The following CEP83 variants were observed in gnomAD, a reference collection of about 807,000 sequenced individuals.
CEP83 encodes the protein centrosomal protein of 83 kDa.
A neutral mutation model predicts 101.9 loss-of-function variants in CEP83; 70 were observed. That is an observed-to-expected ratio of 0.69 (90% CI 0.57 to 0.84). The LOEUF (loss-of-function observed/expected upper bound fraction) is 0.84. Ranked by LOEUF, CEP83 falls within the 40% of genes least tolerant of loss-of-function variation. The pLI is 0.00. For missense variants in CEP83, 715 were observed against 787.2 expected, an observed-to-expected ratio of 0.91 and a Z score of 1.10; for synonymous variants, 264 against 267.9, an observed-to-expected ratio of 0.99 and a Z score of 0.14.
At chr12:94,298,803 T>G in the CEP83 span, 1 of 1,607,758 alleles carries the variant, frequency 6.2e-7, no homozygotes. Context: ...CAGGTGGGAA[T>G]GTAGGTGATT....
At position 94,379,014 on chromosome 12, in the gene CEP83, T is replaced by A; in HGVS notation, c.578A>T (p.Glu193Val). The stretch of plus-strand genomic sequence containing the variant: ...AACATTAAGCAGCTGGTTACGTAGT[T>A]CTTCTTTATCTTCCTCCAGTCTTGC... Reference protein sequence around the residue: ...EIARLEEDKEELRNQLLNVDL... With the variant: ...EIARLEEDKEVLRNQLLNVDL... The change falls in exon 7 of 17, where the codon GAA becomes GTA. Residue 193 changes from glutamate to valine, a missense_variant. By Grantham distance (121) the Glu-to-Val change is moderately radical. Coordinates refer to ENST00000397809, the MANE Select transcript of CEP83 (RefSeq NM_016122.3). 6.2e-7 allele frequency: 1 copy of A among 1,610,184 alleles called. No individual in the cohort carries two copies. Among genetic ancestry groups the A allele is most frequent in the Non-Finnish European group, 8.5e-7 (1 of 1,177,210 alleles).
chr12:94,300,026 G>C, the CEP83 span, among the ~76,000 whole-genome samples: 1 of 152,216 alleles, frequency 6.6e-6, no homozygotes, highest in African/African-American at 2.4e-5. Flanking sequence ...AGCTAGGCCA[G>C]AGTTGAAAAG....
At chr12:94,447,658 G>A (rs914703016) in intron 1 of CEP83, among the ~76,000 whole-genome samples, 2 of 151,940 alleles carry the variant, frequency 1.3e-5, no homozygotes, top group East Asian at 1.9e-4. Flanking sequence ...GTACTGTGTC[G>A]CTGAGTTTGT....
intron 14 of CEP83, among the ~76,000 whole-genome samples, chr12:94,322,830 C>T (rs2058805442): frequency 6.6e-6 from 1 of 152,170 alleles, no homozygotes; most frequent in South Asian, 2.1e-4. Context: ...CCCATCCCTC[C>T]CCCTGGGAAC....
the CEP83 span, among the ~76,000 whole-genome samples, chr12:94,286,509 T>A: frequency 6.6e-6 from 1 of 150,484 alleles, no homozygotes; most frequent in East Asian, 2.0e-4. Flanking sequence ...AAAGAAAAAA[T>A]TTTCTCTTGA....
the CEP83 span, among the ~76,000 whole-genome samples, chr12:94,291,698 C>T: frequency 6.6e-6 from 1 of 152,218 alleles, no homozygotes; most frequent in African/African-American, 2.4e-5. Flanking sequence ...TTATTTCCCC[C>T]AGCCCTGCTT....
chr12:94,338,468 T>C (rs2059542901), intron 11 of CEP83, among the ~76,000 whole-genome samples: 1 of 152,192 alleles, frequency 6.6e-6, no homozygotes, highest in Admixed American at 6.5e-5. Flanking sequence ...TTTCTCTTCT[T>C]GGTCTCTTGT....
At chr12:94,334,626 T>A (rs1283026649) in intron 12 of CEP83, among the ~76,000 whole-genome samples, 1 of 152,096 alleles carries the variant, frequency 6.6e-6, no homozygotes, top group Non-Finnish European at 1.5e-5. Context: ...TCTTATATAA[T>A]AAACAAAATA....
Position 94,395,777 on chromosome 12 carries a change from C to T in CEP83, c.549+5073G>A, listed in dbSNP as rs542155339. ...CAGAGCTTGCAGTGAGCCAAGATGG[C>T]GCCGCTGCGCTCCAGCCTGGAGGAC... On this transcript the variant is annotated intron_variant, in intron 6 of 16. Transcript: ENST00000397809. Among the ~76,000 whole-genome samples the T allele has an allele frequency of 1.1e-4, 16 of 152,202 alleles. No homozygotes were observed. In the East Asian group the frequency reaches 1.7e-3, roughly 17 times the overall value.
At chr12:94,370,396 C>T (rs1337045159) in intron 8 of CEP83, among the ~76,000 whole-genome samples, 1 of 152,178 alleles carries the variant, frequency 6.6e-6, no homozygotes, top group African/African-American at 2.4e-5. Context: ...TTCTAAAAGA[C>T]AGGGTCTTGC....
At chr12:94,423,081 T>G (rs551511772) in intron 2 of CEP83, among the ~76,000 whole-genome samples, 12 of 152,142 alleles carry the variant, frequency 7.9e-5, no homozygotes, top group African/African-American at 2.2e-4. Flanking sequence ...CAAAAACATA[T>G]GAGAATTTTT....
At chr12:94,372,515 T>C (rs2061350972) in intron 8 of CEP83, among the ~76,000 whole-genome samples, 1 of 152,200 alleles carries the variant, frequency 6.6e-6, no homozygotes, top group Admixed American at 6.5e-5. Flanking sequence ...TGCTATTATA[T>C]ACTAACTGTA....
At chr12:94,343,447 A>C (rs558032632) in intron 11 of CEP83, among the ~76,000 whole-genome samples, 1 of 150,652 alleles carries the variant, frequency 6.6e-6, no homozygotes, top group Non-Finnish European at 1.5e-5. Flanking sequence ...TTGTGATCAC[A>C]ATGCAATAAA....
At chr12:94,380,292 A>G (rs1197827397) in intron 6 of CEP83, among the ~76,000 whole-genome samples, 1 of 152,138 alleles carries the variant, frequency 6.6e-6, no homozygotes, top group East Asian at 1.9e-4. Flanking sequence ...GTTTTAACAC[A>G]TAGTGATTCC....
intron 2 of CEP83, among the ~76,000 whole-genome samples, chr12:94,426,111 A>G (rs553740991): frequency 6.6e-6 from 1 of 151,286 alleles, no homozygotes; most frequent in African/African-American, 2.4e-5. Flanking sequence ...GACAGAGCGA[A>G]ACTCCGTCTC....
chr12:94,335,618 C>A lies in CEP83; in HGVS notation c.1390G>T (p.Glu464Ter). The A allele has an allele frequency of 1.3e-6, 2 of 1,583,722 alleles. No individual in the cohort carries two copies. Among genetic ancestry groups the A allele is most frequent in the African/African-American group, 1.4e-5 (1 of 73,264 alleles). Residue 464 changes from glutamate (E) to a stop codon, truncating the protein, a stop_gained, in exon 12 of 17, where the codon GAA (glutamate) becomes TAA (stop). Coordinates refer to ENST00000397809, the MANE Select transcript of CEP83 (RefSeq NM_016122.3). LOFTEE classifies it high-confidence loss of function. ...QIVTIENAEKEKNENSDLKQQ... is the reference protein window; with the variant it reads ...QIVTIENAEK ...TTTAGGTCAGAATTTTCATTTTTTT[C>A]CTTCTCTGCATTTTCAATAGTCACA...
chr12:94,372,114 C>A (rs1024914643), intron 8 of CEP83, among the ~76,000 whole-genome samples: 1 of 152,126 alleles, frequency 6.6e-6, no homozygotes, highest in Non-Finnish European at 1.5e-5. Flanking sequence ...GCTAGGATTA[C>A]AGGCATGCAC....
intron 1 of CEP83, among the ~76,000 whole-genome samples, chr12:94,453,893 T>A (rs2067439730): frequency 6.6e-6 from 1 of 152,022 alleles, no homozygotes; most frequent in Non-Finnish European, 1.5e-5. Flanking sequence ...GGTCAGGAGA[T>A]CAAGACCATC....
At chr12:94,430,350 C>T (rs1035542368) in intron 2 of CEP83, among the ~76,000 whole-genome samples, 1 of 150,730 alleles carries the variant, frequency 6.6e-6, no homozygotes, top group African/African-American at 2.4e-5. Context: ...CAAGAGAATA[C>T]TGAAAAATAA....
Sources: allele counts gnomAD v4.1 joint callset (sites outside exome capture counted in the v4.1 genomes callset), GRCh38; gene constraint gnomAD v4.1.1; transcripts MANE v1.5; gene names NCBI Gene and HGNC (gene_info 2026-07-23, HGNC 2026-07-21).